Variants in HS6ST3 observed in about 807,000 individuals in gnomAD.
HS6ST3 encodes the protein heparan sulfate 6-O-sulfotransferase 3, also known as heparan-sulfate 6-O-sulfotransferase 3.
In HS6ST3, 12 loss-of-function variants were observed where a neutral mutation model predicts 36.7. That is an observed-to-expected ratio of 0.33 (90% CI 0.21 to 0.53). The LOEUF (loss-of-function observed/expected upper bound fraction) is 0.53. Ranked by LOEUF, HS6ST3 falls within the 20% of genes least tolerant of loss-of-function variation. HS6ST3 has a pLI of 0.95. For synonymous variants in HS6ST3, 240 were observed against 257.5 expected, an observed-to-expected ratio of 0.93 and a Z score of 0.65; for missense variants, 584 against 640.9, an observed-to-expected ratio of 0.91 and a Z score of 0.96.
intron 1 of HS6ST3, among the ~76,000 whole-genome samples, chr13:96,339,552 G>A (rs1051742575): frequency 2.0e-5 from 3 of 152,178 alleles, no homozygotes; most frequent in Non-Finnish European, 2.9e-5. Flanking sequence ...AAAGCCAAGG[G>A]CAGGGCCCAG....
intron 1 of HS6ST3, among the ~76,000 whole-genome samples, chr13:96,689,715 A>G (rs916553489): frequency 1.4e-5 from 2 of 147,424 alleles, no homozygotes; most frequent in African/African-American, 5.0e-5. Context: ...ATGTTTAGAG[A>G]TAGATAGATG....
In HS6ST3 at chr13:96,417,760, ATAATAGTCTATCCT is replaced by A. The variant is rs1364477682; in HGVS notation, c.707+326192_707+326205del. 2.6e-5 allele frequency among the ~76,000 whole-genome samples: 4 copies of A among 151,418 alleles called. No homozygotes were observed. In the South Asian group the frequency reaches 8.4e-4, roughly 32 times the overall value. ...CACACACACACACACACACACACAC[ATAATAGTCTATCCT>A]CATTATTCACGGTAACGATGTTCTA... On this transcript the variant is annotated intron_variant, in intron 1 of 1. Coordinates refer to ENST00000376705, the MANE Select transcript of HS6ST3 (RefSeq NM_153456.4).
chr13:96,477,860 G>A (rs1269539456), intron 1 of HS6ST3, among the ~76,000 whole-genome samples: 1 of 151,854 alleles, frequency 6.6e-6, no homozygotes, highest in African/African-American at 2.4e-5. Flanking sequence ...GTGACAGAGT[G>A]AGACTCCATC....
intron 1 of HS6ST3, among the ~76,000 whole-genome samples, chr13:96,122,560 C>T (rs1178316265): frequency 6.6e-6 from 1 of 152,104 alleles, no homozygotes; most frequent in Non-Finnish European, 1.5e-5. Context: ...CAGAAAGACA[C>T]ACACAAAATT....
intron 1 of HS6ST3, among the ~76,000 whole-genome samples, chr13:96,114,574 CTGTT>C (rs1330894954): frequency 1.3e-5 from 2 of 152,158 alleles, no homozygotes; most frequent in African/African-American, 2.4e-5. Flanking sequence ...TTTTGTGCCT[CTGTT>C]TGCTCATCTA....
intron 1 of HS6ST3, among the ~76,000 whole-genome samples, chr13:96,736,892 T>A (rs756100043): frequency 9.2e-5 from 14 of 152,150 alleles, no homozygotes; most frequent in Non-Finnish European, 1.9e-4. Context: ...CAAACTGTAA[T>A]ACATTCAGAA....
At chr13:96,291,907 A>T (rs1925118) in intron 1 of HS6ST3, among the ~76,000 whole-genome samples, 85,131 of 152,004 alleles carry the variant, frequency 0.56, 24,758 homozygotes, top group African/African-American at 0.72. Context: ...CATGGAGTAC[A>T]TATTGAGTAC....
intron 1 of HS6ST3, among the ~76,000 whole-genome samples, chr13:96,631,411 G>A (rs961224479): frequency 1.3e-5 from 2 of 152,192 alleles, no homozygotes; most frequent in Non-Finnish European, 2.9e-5. Context: ...GCTATAAATG[G>A]TATAAATTTT....
chr13:96,266,864 C>T (rs1284468903), intron 1 of HS6ST3, among the ~76,000 whole-genome samples: 7 of 152,146 alleles, frequency 4.6e-5, no homozygotes, highest in African/African-American at 1.7e-4. Context: ...TAGTACCTGC[C>T]TCCAAGGAAT....
At chr13:96,326,167 CT>C (rs11334148) in intron 1 of HS6ST3, among the ~76,000 whole-genome samples, 74,134 of 137,602 alleles carry the variant, frequency 0.54, 18,951 homozygotes, top group African/African-American at 0.66. Flanking sequence ...TTCATTTTTT[CT>C]TTTTTTTTTT....
At chr13:96,476,830 G>T (rs936551728) in intron 1 of HS6ST3, among the ~76,000 whole-genome samples, 11 of 152,148 alleles carry the variant, frequency 7.2e-5, no homozygotes, top group Non-Finnish European at 1.6e-4. Flanking sequence ...ATAAAAAGCT[G>T]GTGGAGTGGA....
intron 1 of HS6ST3, among the ~76,000 whole-genome samples, chr13:96,389,287 G>A (rs2055384168): frequency 6.6e-6 from 1 of 152,010 alleles, no homozygotes; most frequent in African/African-American, 2.4e-5. Context: ...TAACTTGTGA[G>A]ATGACAGATA....
At chr13:96,127,078 C>T (rs2053955700) in intron 1 of HS6ST3, among the ~76,000 whole-genome samples, 1 of 152,154 alleles carries the variant, frequency 6.6e-6, no homozygotes, top group Admixed American at 6.5e-5. Context: ...CTATTTCATA[C>T]CTGTAATGGA....
At chr13:96,305,629 A>C (rs986606874) in intron 1 of HS6ST3, among the ~76,000 whole-genome samples, 1 of 152,198 alleles carries the variant, frequency 6.6e-6, no homozygotes, top group African/African-American at 2.4e-5. Flanking sequence ...AGAATCTAAT[A>C]CTGGGTCTTA....
chr13:96,437,134 C>G (rs2055646933), intron 1 of HS6ST3, among the ~76,000 whole-genome samples: 1 of 152,170 alleles, frequency 6.6e-6, no homozygotes, highest in African/African-American at 2.4e-5. Flanking sequence ...TGTTCCTATG[C>G]TAAACTCCTC....
Position 96,837,859 on chromosome 13 carries a change from AAG to A in HS6ST3, c.*4663_*4664del, listed in dbSNP as rs1878972167. Reference sequence around the variant, plus strand: ...CCCACCAACCAAAAAAAAAAAAAGAAAGAAAACTCTCCCTTTTTAATGTCTTC... The same window carrying A: ...CCCACCAACCAAAAAAAAAAAAAGAAAAAACTCTCCCTTTTTAATGTCTTC... On this transcript the variant is annotated 3_prime_UTR_variant, in exon 2 of 2. Transcript: ENST00000376705. The A allele has an allele frequency of 6.6e-6, 1 of 152,106 alleles. No homozygotes were observed. Among genetic ancestry groups the A allele is most frequent in the Admixed American group, 6.5e-5 (1 of 15,286 alleles). The allele number at this position is 152,106 out of a possible 1,614,324, so 9.4% of individuals were successfully genotyped here. A position where few individuals can be genotyped will look rare whatever the true frequency, so the allele number is the denominator to read the frequency against.
At chr13:96,399,133 A>G in intron 1 of HS6ST3, among the ~76,000 whole-genome samples, 1 of 152,240 alleles carries the variant, frequency 6.6e-6, no homozygotes, top group East Asian at 1.9e-4. Context: ...ACTAATATAC[A>G]CATCAAGTCA....
intron 1 of HS6ST3, among the ~76,000 whole-genome samples, chr13:96,227,129 C>T (rs748972274): frequency 8.5e-5 from 13 of 152,094 alleles, no homozygotes; most frequent in Non-Finnish European, 1.5e-4. Flanking sequence ...ATATTTTGCA[C>T]GTTCCATACA....
chr13:96,627,655 G>A (rs535435088), intron 1 of HS6ST3, among the ~76,000 whole-genome samples: 1 of 151,750 alleles, frequency 6.6e-6, no homozygotes, highest in Non-Finnish European at 1.5e-5. Context: ...AAGTTATTCA[G>A]GCCTGCTATT....
Sources: gnomAD v4.1 joint callset for allele counts (sites outside exome capture counted in the v4.1 genomes callset) on GRCh38, gnomAD v4.1.1 for gene constraint, MANE v1.5 for transcripts, NCBI Gene and HGNC (gene_info 2026-07-23, HGNC 2026-07-21) for gene names.